PTPRD: variants seen among roughly 807,000 people sequenced by gnomAD.
PTPRD encodes the protein protein tyrosine phosphatase receptor type D.
PTPRD carries 34 observed loss-of-function variants against 214.5 expected under a neutral mutation model. That is an observed-to-expected ratio of 0.16 (90% CI 0.12 to 0.21). The LOEUF (loss-of-function observed/expected upper bound fraction) is 0.21. Ranked by LOEUF, PTPRD falls within the 10% of genes least tolerant of loss-of-function variation. The probability of loss-of-function intolerance (pLI) is 1.00; values close to 1 mark genes in which losing one functional copy is unlikely to be tolerated. For synonymous variants in PTPRD, 1,128 were observed against 845.7 expected (o/e 1.33, Z -5.79); for missense variants, 2,545 against 2,398.7 (o/e 1.06, Z -1.27).
intron 12 of PTPRD, among the ~76,000 whole-genome samples, chr9:8,651,870 T>C (rs1364445936): frequency 6.6e-6 from 1 of 152,192 alleles, no homozygotes; most frequent in East Asian, 1.9e-4. Context: ...AGACACAAGG[T>C]AACACTACAC....
chr9:8,872,966 C>T (rs2098327704), intron 11 of PTPRD, among the ~76,000 whole-genome samples: 1 of 152,136 alleles, frequency 6.6e-6, no homozygotes, highest in African/African-American at 2.4e-5. Context: ...TACTCACCAA[C>T]TGAAAATGTT....
intron 3 of PTPRD, among the ~76,000 whole-genome samples, chr9:10,131,258 C>T (rs576017472): frequency 2.6e-5 from 4 of 152,154 alleles, no homozygotes; most frequent in East Asian, 1.9e-4. Context: ...AAGACTACTG[C>T]GTGCATCTCT....
intron 5 of PTPRD, among the ~76,000 whole-genome samples, chr9:9,789,516 G>A (rs771380526): frequency 2.0e-5 from 3 of 152,000 alleles, no homozygotes; most frequent in Admixed American, 2.0e-4. Context: ...CTTTTAAATC[G>A]GCCAGGTGCG....
chr9:8,329,806 C>T (rs1027570797), intron 44 of PTPRD, among the ~76,000 whole-genome samples: 1 of 152,102 alleles, frequency 6.6e-6, no homozygotes, highest in Non-Finnish European at 1.5e-5. Context: ...TTTGTTTACA[C>T]TGTGAGGGTA....
intron 8 of PTPRD, among the ~76,000 whole-genome samples, chr9:9,450,785 T>A (rs1203177334): frequency 1.3e-5 from 2 of 151,552 alleles, no homozygotes; most frequent in African/African-American, 4.8e-5. Context: ...AATTATCTTT[T>A]AAAAAAGAGA....
intron 5 of PTPRD, among the ~76,000 whole-genome samples, chr9:9,775,981 C>CAAAAAAAAAAAAAAAAAAAAAAAAAAA (rs1454097319): frequency 1.2e-5 from 1 of 86,344 alleles, no homozygotes; most frequent in South Asian, 4.2e-4. Flanking sequence ...AAAAAAAAAG[C>CAAAAAAAAAAAAAAAAAAAAAAAAAAA]AAATCCTTTT....
intron 5 of PTPRD, among the ~76,000 whole-genome samples, chr9:9,917,315 A>G (rs1263311572): frequency 1.4e-5 from 2 of 147,618 alleles, no homozygotes; most frequent in African/African-American, 5.0e-5. Context: ...AAAAAAAAAA[A>G]AAAAAAAAGA....
intron 9 of PTPRD, among the ~76,000 whole-genome samples, chr9:9,389,685 C>T (rs551385929): frequency 6.6e-6 from 1 of 152,100 alleles, no homozygotes; most frequent in Non-Finnish European, 1.5e-5. Context: ...GATACTGTAC[C>T]TAACAGACAG....
chr9:9,807,737 G>A (rs911018753), intron 5 of PTPRD, among the ~76,000 whole-genome samples: 1 of 152,060 alleles, frequency 6.6e-6, no homozygotes, highest in Admixed American at 6.6e-5. Context: ...AGTGATTCTT[G>A]ATCGCTGAAA....
At chr9:9,898,643 G>T (rs1361796739) in intron 5 of PTPRD, among the ~76,000 whole-genome samples, 1 of 152,052 alleles carries the variant, frequency 6.6e-6, no homozygotes, top group Non-Finnish European at 1.5e-5. Flanking sequence ...TGTTGTGGTT[G>T]TATAATGTCA....
At chr9:9,343,680 T>C (rs2047698660) in intron 9 of PTPRD, among the ~76,000 whole-genome samples, 1 of 152,066 alleles carries the variant, frequency 6.6e-6, no homozygotes. Context: ...CAAGCAGTGC[T>C]ATGAAAAATG....
intron 43 of PTPRD, 46 bp downstream of exon 43, chr9:8,338,876 C>A (rs775125806): frequency 9.7e-7 from 1 of 1,032,424 alleles, no homozygotes. Context: ...GTATCTTAGA[C>A]TACTTTTCAG....
At chr9:9,825,378 G>A (rs976822104) in intron 5 of PTPRD, among the ~76,000 whole-genome samples, 1 of 149,390 alleles carries the variant, frequency 6.7e-6, no homozygotes, top group Middle Eastern at 3.2e-3. Flanking sequence ...GAGACACAGA[G>A]AGACAGAGAG....
intron 14 of PTPRD, among the ~76,000 whole-genome samples, chr9:8,562,308 A>G (rs1262943715): frequency 6.6e-6 from 1 of 152,192 alleles, no homozygotes; most frequent in Non-Finnish European, 1.5e-5. Flanking sequence ...TATATTCTAT[A>G]AAGTACATAT....
intron 2 of PTPRD, chr9:10,532,482 C>T (rs1003304608): frequency 1.3e-5 from 2 of 149,914 alleles, no homozygotes; most frequent in Non-Finnish European, 3.0e-5. Context: ...TAAAAATGAC[C>T]CTATCCAAAT....
chr9:9,683,622 C>G (rs1220220883), intron 7 of PTPRD, among the ~76,000 whole-genome samples: 1 of 151,550 alleles, frequency 6.6e-6, no homozygotes, highest in Non-Finnish European at 1.5e-5. Context: ...CACAGAATGT[C>G]AACTCTGAAG....
intron 3 of PTPRD, among the ~76,000 whole-genome samples, chr9:10,078,535 AAAAG>A (rs1176532880): frequency 2.0e-5 from 3 of 150,374 alleles, no homozygotes; most frequent in African/African-American, 4.9e-5. Context: ...AAAAAAAAAA[AAAAG>A]AAAGAACCCA....
intron 9 of PTPRD, among the ~76,000 whole-genome samples, chr9:9,373,185 C>G (rs1596560639): frequency 6.6e-6 from 1 of 152,132 alleles, no homozygotes; most frequent in East Asian, 1.9e-4. Flanking sequence ...AAGACCTGGA[C>G]TTTCTCAGTT....
chr9:8,983,717 T>C (rs1166298063), intron 11 of PTPRD, among the ~76,000 whole-genome samples: 1 of 151,820 alleles, frequency 6.6e-6, no homozygotes, highest in Non-Finnish European at 1.5e-5. Context: ...AGGGTCTCAT[T>C]ATGTTGCCAA....
Sources: allele counts gnomAD v4.1 joint callset (sites outside exome capture counted in the v4.1 genomes callset), GRCh38; gene constraint gnomAD v4.1.1; transcripts MANE v1.5; gene names NCBI Gene and HGNC (gene_info 2026-07-23, HGNC 2026-07-21).